GRIN2D: variants seen among roughly 807,000 people sequenced by gnomAD.
The protein encoded by GRIN2D is glutamate ionotropic receptor NMDA type subunit 2D, also known as glutamate receptor ionotropic, NMDA 2D.
A neutral mutation model predicts 103.2 loss-of-function variants in GRIN2D; 37 were observed. The observed-to-expected ratio is 0.36, with a 90% CI of 0.28 to 0.47. GRIN2D has a LOEUF of 0.47. Ranked by LOEUF, GRIN2D falls within the 20% of genes least tolerant of loss-of-function variation. The probability of loss-of-function intolerance (pLI) is 1.00; values close to 1 mark genes in which losing one functional copy is unlikely to be tolerated. For synonymous variants in GRIN2D, 845 were observed against 885.6 expected (o/e 0.95, Z 0.81); for missense variants, 1,557 against 1,910.6 (o/e 0.81, Z 3.45).
At chr19:48,409,684 G>A (rs1486849974) in intron 4 of GRIN2D, among the ~76,000 whole-genome samples, 1 of 152,206 alleles carries the variant, frequency 6.6e-6, no homozygotes, top group Non-Finnish European at 1.5e-5. Context: ...AACATAGTGG[G>A]CAAGGGGAAG....
chr19:48,412,414 GAGAAAGAAAAGAAAGAA>G (rs1569063047), intron 4 of GRIN2D, among the ~76,000 whole-genome samples: 2 of 115,828 alleles, frequency 1.7e-5, no homozygotes, highest in African/African-American at 6.3e-5. Context: ...AAGAAAGAAA[GAGAAAGAAAAGAAAGAA>G]AGAAAGAAAG....
At position 48,442,982 on chromosome 19, in the gene GRIN2D, C is replaced by T. The variant is rs929240804; in HGVS notation, c.3056C>T (p.Pro1019Leu). Residue 1019 changes from proline (P) to leucine (L), a missense_variant, in exon 14 of 14, where the codon CCC (proline) becomes CTC (leucine). By Grantham distance (98) the Pro-to-Leu change is moderately conservative (BLOSUM62 -3). Transcript: ENST00000263269. The surrounding 1 kb of genome is among the most constrained non-coding windows in gnomAD (Gnocchi z 7.2). ...GTACGCGACAAGGAGCCAGCCGAGC[C>T]CCCCGCCGGCGCCTTCCCCGGCTTC... ...AIVRDKEPAE[P>L]PAGAFPGFPS... 3 of 1,115,894 alleles carry T rather than the reference C, an allele frequency of 2.7e-6. No individual in the cohort carries two copies. The highest frequency in any genetic ancestry group is 1.7e-5 in the African/African-American group (1 of 59,042). 69.1% of individuals were successfully genotyped at this position (1,115,894 alleles called of 1,614,324 possible).
rs760446639 is a variant in GRIN2D at position 48,419,342 on chromosome 19, G to C, written c.1844G>C (p.Ser615Thr). The C allele has an allele frequency of 1.9e-5, 30 of 1,604,726 alleles. No individual in the cohort carries two copies. Among genetic ancestry groups the C allele is most frequent in the South Asian group, 5.5e-5 (5 of 91,006 alleles). ...CTCAGTCCTGTTGGTTACAACCGCA[G>C]CCTGGCCACGGGCAAGCGTGAGTCC... ...EYLSPVGYNR[S>T]LATGKRPGGS... Residue 615 changes from serine to threonine, a missense_variant, in exon 9 of 14, where the codon AGC (serine) becomes ACC (threonine). Physicochemically the swap from Ser to Thr is moderately conservative, Grantham distance 58. Coordinates refer to ENST00000263269, the MANE Select transcript of GRIN2D (RefSeq NM_000836.4).
intron 8 of GRIN2D, among the ~76,000 whole-genome samples, chr19:48,418,614 G>C (rs557883260): frequency 6.6e-6 from 1 of 152,264 alleles, no homozygotes; most frequent in Non-Finnish European, 1.5e-5. Context: ...GTAGCATCAG[G>C]GGCAGGAGCG....
intron 11 of GRIN2D, among the ~76,000 whole-genome samples, chr19:48,431,688 A>G (rs1971157654): frequency 6.6e-6 from 1 of 150,878 alleles, no homozygotes; most frequent in Non-Finnish European, 1.5e-5. Flanking sequence ...AGGTACAAGC[A>G]ATTCTCCTGT....
chr19:48,430,347 C>A (rs371384630), intron 11 of GRIN2D, among the ~76,000 whole-genome samples: 1 of 152,166 alleles, frequency 6.6e-6, no homozygotes, highest in Non-Finnish European at 1.5e-5. Context: ...TACAGGCGTG[C>A]GCCACTGCGC....
Position 48,419,670 on chromosome 19 carries a change from C to T in GRIN2D, c.1947C>T (p.Asn649=). 1 of 1,613,308 alleles carries T rather than the reference C, an allele frequency of 6.2e-7. No homozygotes were observed. The highest frequency in any genetic ancestry group is 8.5e-7 in the Non-Finnish European group (1 of 1,179,604). Residue 649 remains asparagine, a synonymous_variant, in exon 10 of 14, where the codon AAC becomes AAT. Coordinates refer to ENST00000263269, the MANE Select transcript of GRIN2D (RefSeq NM_000836.4). ...LVFNNSVPVE[N]PRGTTSKIMV... The stretch of plus-strand genomic sequence containing the variant: ...TCAATAATTCGGTGCCCGTGGAGAA[C>T]CCCCGGGGAACCACCAGCAAAATCA...
In GRIN2D at chr19:48,442,993, G is replaced by C; in HGVS notation, c.3067G>C (p.Ala1023Pro). ...DKEPAEPPAG[A>P]FPGFPSPPAP... ...GGAGCCAGCCGAGCCCCCCGCCGGC[G>C]CCTTCCCCGGCTTCCCGTCGCCGCC... is the stretch of plus-strand genomic sequence containing the variant. The change falls in exon 14 of 14, where the codon GCC (alanine) becomes CCC (proline). Residue 1023 changes from alanine to proline, a missense_variant. Coordinates refer to ENST00000263269, the MANE Select transcript of GRIN2D (RefSeq NM_000836.4). This position sits in a 1 kb window ranked among gnomAD's most constrained non-coding sequence, Gnocchi z 7.2. 1 of 1,100,134 alleles carries C rather than the reference G, an allele frequency of 9.1e-7. No individual in the cohort carries two copies. The highest frequency in any genetic ancestry group is 1.1e-6 in the Non-Finnish European group (1 of 900,906). 68.1% of individuals were successfully genotyped at this position (1,100,134 alleles called of 1,614,324 possible).
chr19:48,421,948 C>CA lies in GRIN2D; in HGVS notation c.2252+4dup. The stretch of plus-strand genomic sequence containing the variant: ...GCGCTCACTCAGCTCAAGGCAGGGT[C>CA]AGCGCAGACTCGGGCCGGGGGTGGG... On this transcript the variant is annotated splice_donor_region_variant and intron_variant, in intron 11 of 13. Coordinates refer to ENST00000263269, the MANE Select transcript of GRIN2D (RefSeq NM_000836.4). This position sits in a 1 kb window ranked among gnomAD's most constrained non-coding sequence, Gnocchi z 4.8. 1.2e-6 allele frequency: 2 copies of CA among 1,613,542 alleles called. No individual in the cohort carries two copies. The highest frequency in any genetic ancestry group is 8.5e-7 in the Non-Finnish European group (1 of 1,179,684).
At position 48,400,480 on chromosome 19, in the gene GRIN2D, G is replaced by A. The variant is rs559081846; in HGVS notation, c.465+1623G>A. On this transcript the variant is annotated intron_variant, in intron 3 of 13. Coordinates refer to ENST00000263269, the MANE Select transcript of GRIN2D (RefSeq NM_000836.4). The stretch of plus-strand genomic sequence containing the variant: ...AGATTTGTAGGTAGATGCCCTGGGA[G>A]GCGAACTTATTTCTTAACTGCCACT... Among the ~76,000 whole-genome samples the A allele has an allele frequency of 2.6e-5, 4 of 152,302 alleles. No individual in the cohort carries two copies. The East Asian group carries it at 5.8e-4, about 22-fold the overall frequency.
chr19:48,402,410 T>C (rs1970727494), intron 3 of GRIN2D, among the ~76,000 whole-genome samples: 2 of 151,972 alleles, frequency 1.3e-5, no homozygotes, highest in Non-Finnish European at 2.9e-5. Context: ...GCAGCTGCTC[T>C]TTATTCCTTA....
chr19:48,437,950 C>T (rs1390793811), intron 11 of GRIN2D, among the ~76,000 whole-genome samples: 1 of 152,146 alleles, frequency 6.6e-6, no homozygotes, highest in Non-Finnish European at 1.5e-5. Flanking sequence ...TGATGAATGT[C>T]CTCCCCACGT....
chr19:48,405,334 C>A lies in GRIN2D; in HGVS notation c.1066C>A (p.Arg356Ser), dbSNP rs750777650. Reference sequence around the variant, plus strand: ...CTGTCGCGCCCAGAACCGCACCCACCGCGGCGAGAGTCTGCATAGGTGAGT... The same window carrying A: ...CTGTCGCGCCCAGAACCGCACCCACAGCGGCGAGAGTCTGCATAGGTGAGT... ...HDCRAQNRTH[R>S]GESLHRYFMN... Residue 356 changes from arginine to serine, a missense_variant, in exon 4 of 14, where the codon CGC becomes AGC. Arg to Ser is a moderately radical substitution (Grantham distance 110, BLOSUM62 -1). Transcript: ENST00000263269. This position sits in a 1 kb window ranked among gnomAD's most constrained non-coding sequence, Gnocchi z 5.1. 6.3e-7 allele frequency: 1 copy of A among 1,589,506 alleles called. No homozygotes were observed. The highest frequency in any genetic ancestry group is 1.7e-5 in the Admixed American group (1 of 58,962).
At chr19:48,399,130 G>C (rs1177098264) in intron 3 of GRIN2D, among the ~76,000 whole-genome samples, 1 of 152,150 alleles carries the variant, frequency 6.6e-6, no homozygotes, top group Non-Finnish European at 1.5e-5. Context: ...GGAGGACGTG[G>C]GCCCATTCAT....
chr19:48,426,224 C>CTTTTTTTTT (rs369360320), intron 11 of GRIN2D, among the ~76,000 whole-genome samples: 29 of 120,074 alleles, frequency 2.4e-4, no homozygotes, highest in Admixed American at 4.2e-4. Flanking sequence ...TTCTTTCTTT[C>CTTTTTTTTT]TTTTTTTTTT....
intron 11 of GRIN2D, among the ~76,000 whole-genome samples, chr19:48,435,883 G>A (rs767202316): frequency 6.6e-6 from 1 of 152,232 alleles, no homozygotes; most frequent in Non-Finnish European, 1.5e-5. Flanking sequence ...TGCAATGCAC[G>A]GAATAAATGA....
In GRIN2D at chr19:48,402,440, G is replaced by A. The variant is rs1454370176; in HGVS notation, c.466-2294G>A. 2.6e-5 allele frequency among the ~76,000 whole-genome samples: 4 copies of A among 152,178 alleles called. No homozygotes were observed. The South Asian group carries it at 6.2e-4, about 24-fold the overall frequency. Reference sequence around the variant, plus strand: ...TCCTTAAGATTCTTTACTCCTGGCCGGGCGCGGTGGCTCATGCCTGTAATC... The same window carrying A: ...TCCTTAAGATTCTTTACTCCTGGCCAGGCGCGGTGGCTCATGCCTGTAATC... On this transcript the variant is annotated intron_variant, in intron 3 of 13. Transcript: ENST00000263269.
intron 11 of GRIN2D, among the ~76,000 whole-genome samples, chr19:48,427,439 C>T (rs898818177): frequency 6.6e-6 from 1 of 151,648 alleles, no homozygotes; most frequent in Admixed American, 6.6e-5. Context: ...TGCCTCCTTG[C>T]CAGGGCTTGG....
In GRIN2D at chr19:48,398,685, G is replaced by A; in HGVS notation, c.293G>A (p.Ser98Asn). 2.7e-6 allele frequency: 4 copies of A among 1,461,752 alleles called. No homozygotes were observed. Among genetic ancestry groups the A allele is most frequent in the Non-Finnish European group, 3.6e-6 (4 of 1,111,280 alleles). The allele number at this position is 1,461,752 out of a possible 1,614,324, so 90.5% of individuals were successfully genotyped here. ...ALVLNGSDPR[S>N]LVLQLCDLLS... Reference sequence around the variant, plus strand: ...GTGCTCAACGGCTCGGACCCGCGCAGCCTCGTGCTGCAGCTCTGCGACCTG... The same window carrying A: ...GTGCTCAACGGCTCGGACCCGCGCAACCTCGTGCTGCAGCTCTGCGACCTG... The change falls in exon 3 of 14, where the codon AGC (serine) becomes AAC (asparagine). Residue 98 changes from serine (S) to asparagine (N), a missense_variant. Ser to Asn is a conservative substitution (Grantham distance 46). Around this residue, in one of 7 missense-constraint regions of GRIN2D, gnomAD observed 490 missense variants for 601.1 expected, o/e 0.82. Coordinates refer to ENST00000263269, the MANE Select transcript of GRIN2D (RefSeq NM_000836.4).
Sources: gnomAD v4.1 joint callset for allele counts (sites outside exome capture counted in the v4.1 genomes callset) on GRCh38, gnomAD v4.1.1 for gene constraint, gnomAD v4.1.1 regional missense constraint, Gnocchi (gnomAD v3.1) non-coding constraint, MANE v1.5 for transcripts, NCBI Gene and HGNC (gene_info 2026-07-23, HGNC 2026-07-21) for gene names.